Variants in AZIN2 observed in about 807,000 individuals in gnomAD.
The protein encoded by AZIN2 is ODC antizyme inhibitor-2.
Under a neutral mutation model 47.8 loss-of-function variants are expected in AZIN2, and 28 were observed. The observed-to-expected ratio is 0.59, with a 90% confidence interval of 0.43 to 0.80. The LOEUF (loss-of-function observed/expected upper bound fraction) is 0.80. Ranked by LOEUF, AZIN2 falls within the 30% of genes least tolerant of loss-of-function variation. The pLI, the probability that AZIN2 is intolerant of heterozygous loss-of-function variation, is 0.00. For synonymous variants in AZIN2, 221 were observed against 239.4 expected, an observed-to-expected ratio of 0.92 and a Z score of 0.71; for missense variants, 535 against 582.5, an observed-to-expected ratio of 0.92 and a Z score of 0.84.
At chr1:33,101,528 T>A (rs1474099532) in intron 10 of AZIN2, among the ~76,000 whole-genome samples, 1 of 151,782 alleles carries the variant, frequency 6.6e-6, no homozygotes, top group Non-Finnish European at 1.5e-5. Flanking sequence ...TTAGGTAGAT[T>A]TAGAGGTTTG....
At chr1:33,088,417 T>C (rs941465378) in intron 5 of AZIN2, among the ~76,000 whole-genome samples, 1 of 152,240 alleles carries the variant, frequency 6.6e-6, no homozygotes, top group Admixed American at 6.5e-5. Flanking sequence ...GCGATGGTGA[T>C]AGCCACTGAC....
chr1:33,147,519 C>T, the AZIN2 span: 1 of 1,613,812 alleles, frequency 6.2e-7, no homozygotes, highest in Non-Finnish European at 8.5e-7. This position sits in a 1 kb window ranked among gnomAD's most constrained non-coding sequence, Gnocchi z 8.1. Context: ...CGATCACCCA[C>T]TGGGTCTTCT....
At chr1:33,097,940 G>A in intron 9 of AZIN2, 127 bp from the exon 10 acceptor site, 2 of 661,410 alleles carry the variant, frequency 3.0e-6, no homozygotes, top group Non-Finnish European at 2.7e-6. Flanking sequence ...TTTTGTTGTA[G>A]GCCTCGCCTC....
In AZIN2 at chr1:33,122,774, C is replaced by G. The variant is rs1644818488; in HGVS notation, c.*2592C>G. Among the ~76,000 whole-genome samples the G allele has an allele frequency of 6.6e-6, 1 of 152,194 alleles. No individual in the cohort carries two copies. Among genetic ancestry groups the G allele is most frequent in the African/African-American group, 2.4e-5 (1 of 41,442 alleles). On this transcript the variant is annotated 3_prime_UTR_variant, in exon 12 of 12. Transcript: ENST00000294517. The stretch of plus-strand genomic sequence containing the variant: ...CTTCCCAATGCCTCCCTACAACCCA[C>G]CTGTGCCTCCTGAAGCCCCTCCTGC...
At chr1:33,145,209 C>A in the AZIN2 span, among the ~76,000 whole-genome samples, 1 of 152,156 alleles carries the variant, frequency 6.6e-6, no homozygotes, top group African/African-American at 2.4e-5. Context: ...GTGGCACTTG[C>A]CAGCATGGGA....
chr1:33,083,628 T>G (rs894468060), intron 4 of AZIN2: 4 of 390,272 alleles, frequency 1.0e-5, no homozygotes, highest in South Asian at 5.1e-5. Context: ...AGTGAAACTT[T>G]AAGGATTTTG....
chr1:33,159,570 TGAA>T, the AZIN2 span: 1 of 1,383,168 alleles, frequency 7.2e-7, no homozygotes, highest in Non-Finnish European at 9.6e-7. The surrounding 1 kb of genome is among the most constrained non-coding windows in gnomAD (Gnocchi z 4.2). Flanking sequence ...AAATGTTTGA[TGAA>T]GATTTGAATG....
At chr1:33,119,879 G>A in intron 11 of AZIN2, 165 bp from the exon 12 acceptor site, 6 of 828,062 alleles carry the variant, frequency 7.2e-6, no homozygotes, top group Admixed American at 5.2e-5. Flanking sequence ...GGACCACACG[G>A]GAGTAGGAAG....
Position 33,120,300 on chromosome 1 carries a change from C to T in AZIN2, c.*118C>T. 7.2e-7 allele frequency: 1 copy of T among 1,395,962 alleles called. No homozygotes were observed. Among genetic ancestry groups the T allele is most frequent in the African/African-American group, 1.4e-5 (1 of 69,788 alleles). The allele number at this position is 1,395,962 out of a possible 1,614,324, so 86.5% of individuals were successfully genotyped here. A position where few individuals can be genotyped will look rare whatever the true frequency, so the allele number is the denominator to read the frequency against. On this transcript the variant is annotated 3_prime_UTR_variant, in exon 12 of 12. Coordinates refer to ENST00000294517, the MANE Select transcript of AZIN2 (RefSeq NM_052998.4). ...AGGACTCTGGTGCCCACCCTGCCAC[C>T]CCCGCGCTCCACCTGCAGTGTTTCT...
intron 10 of AZIN2, among the ~76,000 whole-genome samples, chr1:33,105,651 A>T (rs1643966185): frequency 6.6e-6 from 1 of 152,168 alleles, no homozygotes; most frequent in South Asian, 2.1e-4. Flanking sequence ...GCCCGCCATG[A>T]TCCAATCACC....
At chr1:33,138,640 A>AAG in the AZIN2 span, among the ~76,000 whole-genome samples, 25,562 of 149,412 alleles carry the variant, frequency 0.17, 2,589 homozygotes, top group South Asian at 0.28. Flanking sequence ...AAAAAAAAAA[A>AAG]AAAAAGAAAA....
At chr1:33,149,792 G>A in the AZIN2 span, among the ~76,000 whole-genome samples, 10 of 152,272 alleles carry the variant, frequency 6.6e-5, no homozygotes, top group South Asian at 2.1e-4. Context: ...TGATACTGGC[G>A]TGGGGTATTA....
At chr1:33,104,542 A>G (rs1432956259) in intron 10 of AZIN2, among the ~76,000 whole-genome samples, 3 of 139,206 alleles carry the variant, frequency 2.2e-5, no homozygotes, top group Admixed American at 7.5e-5. Context: ...TATCTTTATT[A>G]CATATATATA....
the AZIN2 span, chr1:33,160,039 G>C: frequency 6.8e-7 from 1 of 1,462,410 alleles, no homozygotes; most frequent in Admixed American, 2.0e-5. Context: ...CACACAGAGA[G>C]GAAAGGGTGG....
At chr1:33,106,651 A>G (rs1213032495) in intron 10 of AZIN2, among the ~76,000 whole-genome samples, 1 of 152,214 alleles carries the variant, frequency 6.6e-6, no homozygotes, top group Non-Finnish European at 1.5e-5. Context: ...TATTACCACA[A>G]TGAAGGATAA....
chr1:33,118,032 T>A lies in AZIN2; in HGVS notation c.1160T>A (p.Met387Lys), dbSNP rs143944841. The A allele has an allele frequency of 6.3e-7, 1 of 1,575,944 alleles. No homozygotes were observed. Among genetic ancestry groups the A allele is most frequent in the Non-Finnish European group, 8.6e-7 (1 of 1,162,570 alleles). ...GGGGACTGGCTGGTCTTTGACAACA[T>A]GGGCGCCTACACTGTGGGCATGGGT... ...HVGDWLVFDNMGAYTVGMGSP... is the reference protein window; with the variant it reads ...HVGDWLVFDNKGAYTVGMGSP... The change falls in exon 11 of 12, where the codon ATG (methionine) becomes AAG (lysine). Residue 387 changes from methionine to lysine, a missense_variant. Physicochemically the swap from Met to Lys is moderately conservative, Grantham distance 95 (BLOSUM62 -1). Coordinates refer to ENST00000294517, the MANE Select transcript of AZIN2 (RefSeq NM_052998.4).
intron 10 of AZIN2, among the ~76,000 whole-genome samples, chr1:33,101,561 G>T (rs775521556): frequency 1.3e-5 from 2 of 150,630 alleles, no homozygotes; most frequent in Non-Finnish European, 2.9e-5. Flanking sequence ...ATCAGCTTTG[G>T]AATAAAAATA....
the AZIN2 span, chr1:33,158,225 C>T: frequency 6.2e-7 from 1 of 1,600,788 alleles, no homozygotes; most frequent in Non-Finnish European, 8.6e-7. Context: ...CCCCACCTAG[C>T]TCTGGACCAT....
chr1:33,147,858 C>G, the AZIN2 span: 1 of 998,048 alleles, frequency 1.0e-6, no homozygotes, highest in Non-Finnish European at 1.4e-6. The surrounding 1 kb of genome is among the most constrained non-coding windows in gnomAD (Gnocchi z 8.1). Flanking sequence ...ACCTTGAATA[C>G]AAGTCTGCCC....
Sources: gnomAD v4.1 joint callset for allele counts (sites outside exome capture counted in the v4.1 genomes callset) on GRCh38, gnomAD v4.1.1 for gene constraint, Gnocchi (gnomAD v3.1) non-coding constraint, MANE v1.5 for transcripts, NCBI Gene and HGNC (gene_info 2026-07-23, HGNC 2026-07-21) for gene names.